The following AUTS2 variants were observed in gnomAD, a reference collection of about 807,000 sequenced individuals.
The protein encoded by AUTS2 is activator of transcription and developmental regulator AUTS2, also known as autism susceptibility gene 2 protein.
A neutral mutation model predicts 112.4 loss-of-function variants in AUTS2; 17 were observed. The observed-to-expected ratio is 0.15, with a 90% CI of 0.10 to 0.23. The LOEUF (loss-of-function observed/expected upper bound fraction) is 0.23. Ranked by LOEUF, AUTS2 falls within the 10% of genes least tolerant of loss-of-function variation. AUTS2 has a pLI of 1.00. For missense variants in AUTS2, 1,510 were observed against 1,701.6 expected, an observed-to-expected ratio of 0.89 and a Z score of 1.98; for synonymous variants, 751 against 702.7, an observed-to-expected ratio of 1.07 and a Z score of -1.09.
chr7:70,755,251 A>G (rs57851676), intron 6 of AUTS2, among the ~76,000 whole-genome samples: 3,090 of 150,666 alleles, frequency 0.021, 113 homozygotes, highest in African/African-American at 0.071. Context: ...GCGACAGAGC[A>G]AGACCCTTTT....
At chr7:69,760,825 A>T (rs1271332705) in intron 1 of AUTS2, among the ~76,000 whole-genome samples, 2 of 152,218 alleles carry the variant, frequency 1.3e-5, no homozygotes, top group Non-Finnish European at 2.9e-5. Flanking sequence ...GTCTCAAAAA[A>T]TAATAATAAT....
chr7:70,491,588 ATTGTGT>A (rs1358548549), intron 5 of AUTS2, among the ~76,000 whole-genome samples: 8 of 106,776 alleles, frequency 7.5e-5, no homozygotes, highest in Non-Finnish European at 9.5e-5. Flanking sequence ...ATGTATATAT[ATTGTGT>A]GTGTGTGTGT....
At chr7:69,713,700 A>G (rs1273434478) in intron 1 of AUTS2, among the ~76,000 whole-genome samples, 1 of 152,034 alleles carries the variant, frequency 6.6e-6, no homozygotes, top group Non-Finnish European at 1.5e-5. Flanking sequence ...ACCTCAGGTG[A>G]TCCACATGCC....
chr7:70,474,269 C>T (rs572823167), intron 5 of AUTS2, among the ~76,000 whole-genome samples: 15 of 152,216 alleles, frequency 9.9e-5, no homozygotes, highest in Admixed American at 9.8e-4. Context: ...GAAGTTTACT[C>T]GCTTTCATTG....
intron 2 of AUTS2, among the ~76,000 whole-genome samples, chr7:70,113,105 A>T (rs1805169894): frequency 6.6e-6 from 1 of 152,150 alleles, no homozygotes; most frequent in Non-Finnish European, 1.5e-5. Flanking sequence ...TCCCAGAAAA[A>T]TTCCTTGCCC....
In AUTS2 at chr7:70,694,117, C is replaced by T. The variant is rs1275841934; in HGVS notation, c.691-4452C>T. ...GGGAGCGAAGTCCGGAGCAAGGGGC[C>T]CCCGCGTAGCCGCCGCCCCCTCCTG... is the stretch of plus-strand genomic sequence containing the variant. On this transcript the variant is annotated intron_variant, in intron 5 of 18. Transcript: ENST00000342771. The surrounding 1 kb of genome is among the most constrained non-coding windows in gnomAD (Gnocchi z 4.1). The T allele has an allele frequency of 1.3e-5, 2 of 151,344 alleles. No individual in the cohort carries two copies. The highest frequency in any genetic ancestry group is 3.0e-5 in the Non-Finnish European group (2 of 67,772). The allele number at this position is 151,344 out of a possible 1,614,324, so 9.4% of individuals were successfully genotyped here. A position where few individuals can be genotyped will look rare whatever the true frequency, so the allele number is the denominator to read the frequency against.
intron 2 of AUTS2, among the ~76,000 whole-genome samples, chr7:70,099,636 G>T (rs1804383386): frequency 6.6e-6 from 1 of 151,968 alleles, no homozygotes. Context: ...GAGCTCTGTG[G>T]CATTTTTAAG....
At chr7:69,844,685 G>C (rs2129528998) in intron 1 of AUTS2, among the ~76,000 whole-genome samples, 1 of 152,248 alleles carries the variant, frequency 6.6e-6, no homozygotes, top group East Asian at 1.9e-4. Flanking sequence ...AAGAACACAA[G>C]CTGCACCCCT....
chr7:69,694,495 A>C (rs1489679915), intron 1 of AUTS2, among the ~76,000 whole-genome samples: 2 of 152,180 alleles, frequency 1.3e-5, no homozygotes, highest in African/African-American at 2.4e-5. Flanking sequence ...GAAAAGCTCT[A>C]TGGCCAGCCA....
chr7:69,691,054 C>A (rs1797322400), intron 1 of AUTS2, among the ~76,000 whole-genome samples: 1 of 152,168 alleles, frequency 6.6e-6, no homozygotes, highest in African/African-American at 2.4e-5. Flanking sequence ...GTTGAGGAGA[C>A]CCAAAGTGGG....
chr7:70,792,708 G>T lies in AUTS2; in HGVS notation c.*1712G>T, dbSNP rs1276780677. The T allele has an allele frequency of 1.3e-5, 2 of 151,512 alleles. No individual in the cohort carries two copies. The highest frequency in any genetic ancestry group is 2.9e-5 in the Non-Finnish European group (2 of 67,860). 9.4% of individuals were successfully genotyped at this position (151,512 alleles called of 1,614,324 possible). ...TAGCTTTCAGTATTGTAAAGAGATT[G>T]TTCTATACGGACCTTTTTGCTGTTT... On this transcript the variant is annotated 3_prime_UTR_variant, in exon 19 of 19. Coordinates refer to ENST00000342771, the MANE Select transcript of AUTS2 (RefSeq NM_015570.4).
chr7:70,530,741 G>A (rs1800050478), intron 5 of AUTS2, among the ~76,000 whole-genome samples: 1 of 152,080 alleles, frequency 6.6e-6, no homozygotes, highest in African/African-American at 2.4e-5. Context: ...ATGTTTCTGG[G>A]TTTAGTGGGA....
chr7:70,240,995 C>G (rs1164567313), intron 4 of AUTS2, among the ~76,000 whole-genome samples: 1 of 152,190 alleles, frequency 6.6e-6, no homozygotes, highest in Non-Finnish European at 1.5e-5. Context: ...ACATATCTAA[C>G]AAGGAACTCC....
Position 69,880,315 on chromosome 7 carries a change from T to A in AUTS2, c.310-18971T>A, listed in dbSNP as rs532430947. Among the ~76,000 whole-genome samples, 7 of 152,262 alleles carry A rather than the reference T, an allele frequency of 4.6e-5. No homozygotes were observed. The East Asian group carries it at 1.4e-3, about 29-fold the overall frequency. ...TACTTCCAATACTGGGGATTACAATTCAACATGAGATTTTGATGGGGACAC... is the reference window on the plus strand; with the variant it reads ...TACTTCCAATACTGGGGATTACAATACAACATGAGATTTTGATGGGGACAC... On this transcript the variant is annotated intron_variant, in intron 1 of 18. Coordinates refer to ENST00000342771, the MANE Select transcript of AUTS2 (RefSeq NM_015570.4).
intron 16 of AUTS2, among the ~76,000 whole-genome samples, chr7:70,785,719 A>G (rs1791410345): frequency 2.0e-5 from 3 of 152,356 alleles, no homozygotes; most frequent in Admixed American, 6.5e-5. Flanking sequence ...GGGCAAAGGA[A>G]GAGTAATACA....
chr7:70,271,809 C>G (rs867267376), intron 4 of AUTS2, among the ~76,000 whole-genome samples: 1 of 152,280 alleles, frequency 6.6e-6, no homozygotes, highest in Non-Finnish European at 1.5e-5. Flanking sequence ...TATTGCTAAC[C>G]GTCACTTTTA....
chr7:70,031,961 T>C (rs946258727), intron 2 of AUTS2, among the ~76,000 whole-genome samples: 1 of 152,162 alleles, frequency 6.6e-6, no homozygotes, highest in African/African-American at 2.4e-5. Context: ...AAGCTGCTAC[T>C]TTTGGTATAT....
chr7:69,851,219 C>T (rs766170263), intron 1 of AUTS2, among the ~76,000 whole-genome samples: 76 of 152,124 alleles, frequency 5.0e-4, no homozygotes, highest in Non-Finnish European at 4.6e-4. Context: ...TGTCCCTTCG[C>T]CAGTCCCTTA....
intron 2 of AUTS2, among the ~76,000 whole-genome samples, chr7:69,900,247 C>T (rs1455603583): frequency 6.6e-6 from 1 of 152,152 alleles, no homozygotes; most frequent in East Asian, 1.9e-4. Context: ...GGCTTCAGTG[C>T]CTGTCAAGTT....
Sources: allele counts gnomAD v4.1 joint callset (sites outside exome capture counted in the v4.1 genomes callset), GRCh38; gene constraint gnomAD v4.1.1; non-coding constraint Gnocchi (gnomAD v3.1); transcripts MANE v1.5; gene names NCBI Gene and HGNC (gene_info 2026-07-23, HGNC 2026-07-21).